PALM2AKAP2: variants seen among roughly 807,000 people sequenced by gnomAD.
The protein encoded by PALM2AKAP2 is PALM2-AKAP2 fusion protein.
In PALM2AKAP2, 37 loss-of-function variants were observed where a neutral mutation model predicts 71.5. That is an observed-to-expected ratio of 0.52 (90% CI 0.40 to 0.68). The LOEUF (loss-of-function observed/expected upper bound fraction) is 0.68. Among genes scored for constraint, PALM2AKAP2 ranks in the 30% least tolerant of loss-of-function variants. PALM2AKAP2 has a pLI of 0.00. For missense variants in PALM2AKAP2, 1,224 were observed against 1,191.8 expected (o/e 1.03, Z -0.40); for synonymous variants, 468 against 478.8 (o/e 0.98, Z 0.29).
intron 3 of PALM2AKAP2, among the ~76,000 whole-genome samples, chr9:109,894,311 C>T (rs1830151687): frequency 6.6e-6 from 1 of 152,216 alleles, no homozygotes; most frequent in African/African-American, 2.4e-5. Flanking sequence ...TGCACTCCAG[C>T]CTGGGCAACA....
intron 1 of PALM2AKAP2, among the ~76,000 whole-genome samples, chr9:109,819,789 C>A (rs1827948193): frequency 6.6e-6 from 1 of 151,942 alleles, no homozygotes; most frequent in Non-Finnish European, 1.5e-5. Flanking sequence ...ATACAAAGAT[C>A]AGCCACCCTG....
chr9:109,870,393 A>C (rs1829573342), intron 2 of PALM2AKAP2, among the ~76,000 whole-genome samples: 1 of 152,158 alleles, frequency 6.6e-6, no homozygotes, highest in South Asian at 2.1e-4. Context: ...ATGGAAGTAC[A>C]TTCGTGGAGG....
chr9:109,737,374 A>T (rs1828652764), intron 1 of PALM2AKAP2, among the ~76,000 whole-genome samples: 2 of 152,254 alleles, frequency 1.3e-5, no homozygotes, highest in Admixed American at 1.3e-4. Flanking sequence ...ATGGGAGGTG[A>T]CTAACAAACT....
chr9:110,080,880 A>G (rs958065499), intron 1 of PALM2AKAP2, among the ~76,000 whole-genome samples: 3 of 152,160 alleles, frequency 2.0e-5, no homozygotes, highest in Non-Finnish European at 4.4e-5. Flanking sequence ...AGGTTTCATC[A>G]TGTTGGCAAG....
At chr9:109,943,538 C>T (rs1161895228) in intron 6 of PALM2AKAP2, 5 of 1,412,604 alleles carry the variant, frequency 3.5e-6, no homozygotes, top group Non-Finnish European at 4.7e-6. Flanking sequence ...CCTGCCTTGC[C>T]TTGCAGTTGA....
chr9:110,122,321 T>C (rs1835506965), intron 1 of PALM2AKAP2, among the ~76,000 whole-genome samples: 1 of 152,250 alleles, frequency 6.6e-6, no homozygotes, highest in East Asian at 1.9e-4. Context: ...TGTGAGCCAC[T>C]GGTCCTGGCC....
At chr9:109,930,087 T>A (rs1396109372) in intron 5 of PALM2AKAP2, among the ~76,000 whole-genome samples, 2 of 152,090 alleles carry the variant, frequency 1.3e-5, no homozygotes, top group African/African-American at 2.4e-5. Context: ...TTCAACCATG[T>A]CTGCCTTATC....
chr9:110,070,746 G>A (rs1012865483), intron 1 of PALM2AKAP2, among the ~76,000 whole-genome samples: 5 of 152,094 alleles, frequency 3.3e-5, no homozygotes, highest in Non-Finnish European at 5.9e-5. Flanking sequence ...GGATCTATGC[G>A]ACCCCAGTCA....
chr9:109,800,121 C>T (rs1294649022), intron 1 of PALM2AKAP2, among the ~76,000 whole-genome samples: 1 of 152,112 alleles, frequency 6.6e-6, no homozygotes, highest in Non-Finnish European at 1.5e-5. Flanking sequence ...TGATTGTTAC[C>T]CAGCACCTCC....
intron 1 of PALM2AKAP2, among the ~76,000 whole-genome samples, chr9:109,768,139 G>A (rs1001485484): frequency 2.6e-5 from 4 of 151,184 alleles, no homozygotes; most frequent in African/African-American, 9.8e-5. Context: ...GAAAGAAATG[G>A]AAGGAAAGAA....
chr9:109,751,887 A>C (rs1486764618), intron 1 of PALM2AKAP2, among the ~76,000 whole-genome samples: 1 of 152,190 alleles, frequency 6.6e-6, no homozygotes, highest in East Asian at 1.9e-4. Flanking sequence ...ATTCCCAAGG[A>C]TACCCTTTTT....
intron 6 of PALM2AKAP2, among the ~76,000 whole-genome samples, chr9:109,999,281 G>T (rs1185135744): frequency 6.6e-6 from 1 of 151,898 alleles, no homozygotes; most frequent in African/African-American, 2.4e-5. Context: ...GGAGATTACA[G>T]TGAGCCAAGA....
chr9:109,843,053 T>G (rs543164690), intron 1 of PALM2AKAP2, among the ~76,000 whole-genome samples: 3 of 145,252 alleles, frequency 2.1e-5, no homozygotes, highest in African/African-American at 7.7e-5. Context: ...GGCAGGAGAC[T>G]CGCTTGAACC....
chr9:109,854,738 G>A (rs2131638394), intron 1 of PALM2AKAP2, among the ~76,000 whole-genome samples: 1 of 118,520 alleles, frequency 8.4e-6, no homozygotes, highest in African/African-American at 3.1e-5. Flanking sequence ...ATGCTATTCT[G>A]TAGTCAGTTT....
chr9:109,813,676 A>G (rs867913759), intron 1 of PALM2AKAP2, among the ~76,000 whole-genome samples: 1 of 152,066 alleles, frequency 6.6e-6, no homozygotes, highest in Admixed American at 6.5e-5. Flanking sequence ...CTGCATTTAG[A>G]CTGGCCCATA....
At chr9:109,792,884 T>C (rs2118882729) in intron 1 of PALM2AKAP2, among the ~76,000 whole-genome samples, 1 of 152,340 alleles carries the variant, frequency 6.6e-6, no homozygotes, top group African/African-American at 2.4e-5. Context: ...GTTGTTGATC[T>C]GAAATTCACA....
chr9:109,931,698 A>G (rs1485389077), intron 5 of PALM2AKAP2, among the ~76,000 whole-genome samples: 2 of 152,190 alleles, frequency 1.3e-5, no homozygotes, highest in East Asian at 1.9e-4. Context: ...CTTCTAATAC[A>G]TAGAGCCATC....
intron 3 of PALM2AKAP2, among the ~76,000 whole-genome samples, chr9:110,165,158 G>C (rs776475101): frequency 2.6e-5 from 4 of 152,128 alleles, no homozygotes; most frequent in Admixed American, 6.6e-5. Flanking sequence ...TAGGACATGA[G>C]TATGACATTA....
intron 1 of PALM2AKAP2, among the ~76,000 whole-genome samples, chr9:109,759,698 A>G (rs902593728): frequency 9.9e-4 from 150 of 152,186 alleles, no homozygotes; most frequent in African/African-American, 3.5e-3. Context: ...CTCTGGACGG[A>G]TGTTGTTTCT....
Sources: gnomAD v4.1 joint callset for allele counts (sites outside exome capture counted in the v4.1 genomes callset) on GRCh38, gnomAD v4.1.1 for gene constraint, MANE v1.5 for transcripts, NCBI Gene and HGNC (gene_info 2026-07-23, HGNC 2026-07-21) for gene names.